NKAIN3: variants seen among roughly 807,000 people sequenced by gnomAD.
The protein encoded by NKAIN3 is sodium/potassium-transporting ATPase subunit beta-1-interacting protein 3.
Under a neutral mutation model 30.2 loss-of-function variants are expected in NKAIN3, and 25 were observed. The observed-to-expected ratio is 0.83, with a 90% CI of 0.60 to 1.16. The LOEUF (loss-of-function observed/expected upper bound fraction) is 1.16, where lower values mean the gene tolerates loss of function less well. Ranked by LOEUF, NKAIN3 falls within the 50% of genes most tolerant of loss-of-function variation. The pLI, the probability that NKAIN3 is intolerant of heterozygous loss-of-function variation, is 0.00. For synonymous variants in NKAIN3, 91 were observed against 89.6 expected (o/e 1.02, Z -0.09); for missense variants, 225 against 254.1 (o/e 0.89, Z 0.78).
chr8:62,800,112 G>A (rs1384966254), intron 4 of NKAIN3, among the ~76,000 whole-genome samples: 1 of 152,118 alleles, frequency 6.6e-6, no homozygotes, highest in Non-Finnish European at 1.5e-5. Flanking sequence ...TACTGTTTGG[G>A]TGATGGATGC....
At chr8:62,896,866 GCAGAAAAGTAGGGC>G (rs1821442814) in intron 4 of NKAIN3, among the ~76,000 whole-genome samples, 1 of 152,148 alleles carries the variant, frequency 6.6e-6, no homozygotes, top group South Asian at 2.1e-4. Flanking sequence ...AGCAATCTCA[GCAGAAAAGTAGGGC>G]CAGAAGGCAG....
rs572021500 is a variant in NKAIN3, at chr8:62,803,825, G to A, written c.471+56696G>A. Among the ~76,000 whole-genome samples, 6 of 152,280 alleles carry A rather than the reference G, an allele frequency of 3.9e-5. No individual in the cohort carries two copies. The East Asian group carries it at 1.2e-3, about 29-fold the overall frequency. Reference sequence around the variant, plus strand: ...CTTTAAAAAATTAATGAATCCAGGAGCTGGTTTTTTGAAAGGATCAACAAA... The same window carrying A: ...CTTTAAAAAATTAATGAATCCAGGAACTGGTTTTTTGAAAGGATCAACAAA... On this transcript the variant is annotated intron_variant, in intron 4 of 6. Transcript: ENST00000623646.
chr8:62,515,057 A>G (rs1403467349), intron 1 of NKAIN3, among the ~76,000 whole-genome samples: 1 of 152,122 alleles, frequency 6.6e-6, no homozygotes, highest in Non-Finnish European at 1.5e-5. Flanking sequence ...GTCCTCTTCC[A>G]AAGGCTCTAC....
At chr8:62,376,171 T>A (rs999162946) in intron 1 of NKAIN3, among the ~76,000 whole-genome samples, 1 of 152,230 alleles carries the variant, frequency 6.6e-6, no homozygotes, top group African/African-American at 2.4e-5. Context: ...AGGGAGCTTC[T>A]CTGACTTTAT....
chr8:62,338,095 T>C (rs1316318810), intron 1 of NKAIN3, among the ~76,000 whole-genome samples: 1 of 152,068 alleles, frequency 6.6e-6, no homozygotes, highest in Non-Finnish European at 1.5e-5. Flanking sequence ...TCTGTTTATT[T>C]TGAGCTGCTT....
chr8:62,402,961 G>A (rs960458150), intron 1 of NKAIN3, among the ~76,000 whole-genome samples: 2 of 152,186 alleles, frequency 1.3e-5, no homozygotes, highest in Non-Finnish European at 2.9e-5. Context: ...CAGAAGACAG[G>A]AAGATGTGGG....
At chr8:62,655,496 T>C (rs1812738251) in intron 3 of NKAIN3, among the ~76,000 whole-genome samples, 1 of 152,106 alleles carries the variant, frequency 6.6e-6, no homozygotes, top group South Asian at 2.1e-4. Flanking sequence ...GAATTTTAAA[T>C]AGTCACTATA....
chr8:62,424,975 G>C (rs1357807597), intron 1 of NKAIN3, among the ~76,000 whole-genome samples: 1 of 151,844 alleles, frequency 6.6e-6, no homozygotes, highest in Non-Finnish European at 1.5e-5. Flanking sequence ...AGCAAATCCT[G>C]CCATATCTGA....
Position 62,965,455 on chromosome 8 carries a change from G to C in NKAIN3, c.*48G>C. On this transcript the variant is annotated 3_prime_UTR_variant, in exon 7 of 7. Coordinates refer to ENST00000623646, the MANE Select transcript of NKAIN3 (RefSeq NM_001304533.3). ...GCGCCTCGGTGGATCCGACCCGCCT[G>C]ACATTCCTTCCAGAGGCTAGACTGT... 1 of 985,740 alleles carries C rather than the reference G, an allele frequency of 1.0e-6. No individual in the cohort carries two copies. The highest frequency in any genetic ancestry group is 1.2e-6 in the Non-Finnish European group (1 of 829,910). 61.1% of individuals were successfully genotyped at this position (985,740 alleles called of 1,614,324 possible).
chr8:62,687,128 A>C (rs1813822283), intron 3 of NKAIN3, among the ~76,000 whole-genome samples: 1 of 152,220 alleles, frequency 6.6e-6, no homozygotes, highest in African/African-American at 2.4e-5. Flanking sequence ...TCTAATTATT[A>C]ACCAATTTAA....
intron 1 of NKAIN3, among the ~76,000 whole-genome samples, chr8:62,418,370 GC>G (rs370696148): frequency 1.5e-4 from 23 of 152,090 alleles, no homozygotes; most frequent in African/African-American, 5.1e-4. Flanking sequence ...AAAAAATTGT[GC>G]TTACTTCTTC....
chr8:62,644,385 T>C (rs1275059950), intron 3 of NKAIN3, among the ~76,000 whole-genome samples: 2 of 152,252 alleles, frequency 1.3e-5, no homozygotes, highest in East Asian at 3.9e-4. Context: ...AGGTGCAACA[T>C]CCTGATTAAG....
rs1586274581 is a variant in NKAIN3 at position 62,856,460 on chromosome 8, C to A, written c.472-61993C>A. 6 of 786,382 alleles carry A rather than the reference C, an allele frequency of 7.6e-6. No homozygotes were observed. The East Asian group carries it at 1.2e-4, about 16-fold the overall frequency. 48.7% of individuals were successfully genotyped at this position (786,382 alleles called of 1,614,324 possible). A position where few individuals can be genotyped will look rare whatever the true frequency, so the allele number is the denominator to read the frequency against. On this transcript the variant is annotated intron_variant, in intron 4 of 6. Transcript: ENST00000623646. The stretch of plus-strand genomic sequence containing the variant: ...ATATCTCTATAGAATAAGGATATGT[C>A]AAAGCCCCCAGGTTTCTTCAGGTGC...
At chr8:62,689,270 T>A in intron 3 of NKAIN3, among the ~76,000 whole-genome samples, 1 of 152,180 alleles carries the variant, frequency 6.6e-6, no homozygotes, top group Non-Finnish European at 1.5e-5. Flanking sequence ...ACTAAGTACC[T>A]ATAGTCTCAT....
chr8:62,731,616 C>A (rs1283596959), intron 3 of NKAIN3, among the ~76,000 whole-genome samples: 1 of 152,082 alleles, frequency 6.6e-6, no homozygotes, highest in Non-Finnish European at 1.5e-5. Flanking sequence ...GAAGTTAGCT[C>A]GGGCTCCCAT....
intron 1 of NKAIN3, among the ~76,000 whole-genome samples, chr8:62,355,826 T>C (rs1440143249): frequency 6.6e-6 from 1 of 152,210 alleles, no homozygotes; most frequent in Non-Finnish European, 1.5e-5. Flanking sequence ...TCTACATTCA[T>C]ATTAAGTTTA....
chr8:62,454,203 C>A (rs1421439603), intron 1 of NKAIN3, among the ~76,000 whole-genome samples: 2 of 147,288 alleles, frequency 1.4e-5, no homozygotes, highest in African/African-American at 5.1e-5. Flanking sequence ...TATATTAAAC[C>A]AAAAGGGTCC....
At chr8:62,677,224 G>A (rs367890846) in intron 3 of NKAIN3, among the ~76,000 whole-genome samples, 6 of 152,126 alleles carry the variant, frequency 3.9e-5, no homozygotes, top group East Asian at 1.9e-4. Flanking sequence ...AGATCTGAGC[G>A]GTGATATATC....
intron 4 of NKAIN3, chr8:62,856,171 A>G (rs1172098710): frequency 1.3e-6 from 1 of 751,572 alleles, no homozygotes; most frequent in East Asian, 2.5e-5. Flanking sequence ...TGGTATCACT[A>G]GGCAGAAGCA....
Sources: allele counts gnomAD v4.1 joint callset (sites outside exome capture counted in the v4.1 genomes callset), GRCh38; gene constraint gnomAD v4.1.1; transcripts MANE v1.5; gene names NCBI Gene and HGNC (gene_info 2026-07-23, HGNC 2026-07-21).